Variants in LHFPL3 observed in about 807,000 individuals in gnomAD.
LHFPL3 encodes LHFPL tetraspan subfamily member 3, also known as LHFPL tetraspan subfamily member 3 protein.
A neutral mutation model predicts 19.3 loss-of-function variants in LHFPL3; 5 were observed. The observed-to-expected ratio is 0.26, with a 90% CI of 0.14 to 0.54. The LOEUF (loss-of-function observed/expected upper bound fraction) is 0.54, where lower values mean the gene tolerates loss of function less well. Among genes scored for constraint, LHFPL3 ranks in the 20% least tolerant of loss-of-function variants. The probability of loss-of-function intolerance (pLI) is 0.94; values close to 1 mark genes in which losing one functional copy is unlikely to be tolerated. For synonymous variants in LHFPL3, 133 were observed against 126.2 expected (o/e 1.05, Z -0.36); for missense variants, 249 against 307.4 (o/e 0.81, Z 1.42).
At chr7:104,761,697 A>G (rs1431639681) in intron 2 of LHFPL3, among the ~76,000 whole-genome samples, 3 of 152,258 alleles carry the variant, frequency 2.0e-5, no homozygotes. Flanking sequence ...AGAAGCAAGT[A>G]GAACAGTCGT....
chr7:104,670,248 G>A (rs1792450612), intron 1 of LHFPL3, among the ~76,000 whole-genome samples: 1 of 152,116 alleles, frequency 6.6e-6, no homozygotes, highest in Middle Eastern at 3.4e-3. Context: ...GGTTTGAAAG[G>A]AAGCTTTTGG....
At chr7:104,555,079 G>C (rs1290636901) in intron 1 of LHFPL3, among the ~76,000 whole-genome samples, 2 of 152,130 alleles carry the variant, frequency 1.3e-5, no homozygotes, top group Non-Finnish European at 2.9e-5. Context: ...TGCCTACTCA[G>C]TCCACCAACT....
intron 2 of LHFPL3, among the ~76,000 whole-genome samples, chr7:104,844,258 T>G (rs553557304): frequency 6.6e-6 from 1 of 152,320 alleles, no homozygotes; most frequent in African/African-American, 2.4e-5. Context: ...CTTTCAGCAG[T>G]TCTCTGTGAG....
At chr7:104,605,784 T>C (rs1791084890) in intron 1 of LHFPL3, among the ~76,000 whole-genome samples, 1 of 151,712 alleles carries the variant, frequency 6.6e-6, no homozygotes, top group South Asian at 2.1e-4. Context: ...TTGATGCAAC[T>C]GCAGGAAAAA....
At chr7:104,703,625 A>T (rs1270631825) in intron 1 of LHFPL3, among the ~76,000 whole-genome samples, 1 of 152,100 alleles carries the variant, frequency 6.6e-6, no homozygotes, top group Non-Finnish European at 1.5e-5. Flanking sequence ...TCTTTATTTT[A>T]GTTATGATTC....
intron 1 of LHFPL3, among the ~76,000 whole-genome samples, chr7:104,519,541 G>A (rs1051964013): frequency 6.6e-6 from 1 of 152,052 alleles, no homozygotes; most frequent in Non-Finnish European, 1.5e-5. Context: ...GAGAAGAAGG[G>A]AAACTGGCAC....
intron 1 of LHFPL3, among the ~76,000 whole-genome samples, chr7:104,481,106 C>T (rs1793128001): frequency 6.6e-6 from 1 of 152,156 alleles, no homozygotes; most frequent in African/African-American, 2.4e-5. Flanking sequence ...CATTTCTACA[C>T]TTGTGCAAAG....
intron 1 of LHFPL3, among the ~76,000 whole-genome samples, chr7:104,587,309 C>G (rs1790600862): frequency 6.6e-6 from 1 of 152,098 alleles, no homozygotes; most frequent in African/African-American, 2.4e-5. Context: ...GTGATGTTCC[C>G]CACCCTGTGT....
At chr7:104,884,898 T>C (rs1792120938) in intron 2 of LHFPL3, among the ~76,000 whole-genome samples, 1 of 151,566 alleles carries the variant, frequency 6.6e-6, no homozygotes, top group Admixed American at 6.6e-5. Context: ...CACCAATTGG[T>C]GGAGAGAAGG....
At chr7:104,367,482 C>T (rs186810656) in intron 1 of LHFPL3, among the ~76,000 whole-genome samples, 103 of 152,272 alleles carry the variant, frequency 6.8e-4, no homozygotes, top group Middle Eastern at 3.4e-3. Context: ...CTAAGTTTAA[C>T]CATTACCTAG....
At chr7:104,521,901 G>A (rs1291570356) in intron 1 of LHFPL3, among the ~76,000 whole-genome samples, 2 of 152,068 alleles carry the variant, frequency 1.3e-5, no homozygotes, top group Non-Finnish European at 2.9e-5. Context: ...GTGCTGGAGA[G>A]GATGTGGAGA....
intron 1 of LHFPL3, among the ~76,000 whole-genome samples, chr7:104,657,739 T>A (rs1032165780): frequency 6.6e-6 from 1 of 152,170 alleles, no homozygotes; most frequent in Non-Finnish European, 1.5e-5. Flanking sequence ...CCATCTTCCA[T>A]CTCTGGAGCT....
At chr7:104,614,714 TCTTTC>T (rs1307182695) in intron 1 of LHFPL3, among the ~76,000 whole-genome samples, 1 of 145,680 alleles carries the variant, frequency 6.9e-6, no homozygotes, top group Non-Finnish European at 1.5e-5. Context: ...TTTCTTTCTT[TCTTTC>T]TTTCTTTCTT....
At chr7:104,823,422 T>C (rs1790716290) in intron 2 of LHFPL3, among the ~76,000 whole-genome samples, 1 of 152,212 alleles carries the variant, frequency 6.6e-6, no homozygotes, top group Admixed American at 6.5e-5. Context: ...CAGCATTGTA[T>C]GGTCTGAGCC....
At chr7:104,650,661 A>G (rs1217737287) in intron 1 of LHFPL3, among the ~76,000 whole-genome samples, 1 of 152,212 alleles carries the variant, frequency 6.6e-6, no homozygotes, top group Non-Finnish European at 1.5e-5. Flanking sequence ...TGAAGAAGTA[A>G]ACACTTTAAC....
intron 2 of LHFPL3, among the ~76,000 whole-genome samples, chr7:104,829,057 C>G (rs1790881432): frequency 1.3e-5 from 2 of 151,614 alleles, no homozygotes; most frequent in Non-Finnish European, 2.9e-5. Flanking sequence ...CCAAAACATA[C>G]TGACTCCCAA....
intron 1 of LHFPL3, among the ~76,000 whole-genome samples, chr7:104,350,701 G>A (rs566841278): frequency 6.6e-6 from 1 of 152,166 alleles, no homozygotes; most frequent in Non-Finnish European, 1.5e-5. Context: ...TCTATCAGGT[G>A]ATCATAAATA....
rs529586964 is a variant in LHFPL3, at chr7:104,679,180, T to A, written c.446-57495T>A. Among the ~76,000 whole-genome samples, 8 of 152,322 alleles carry A rather than the reference T, an allele frequency of 5.3e-5. No homozygotes were observed. In the South Asian group the frequency reaches 1.7e-3, roughly 32 times the overall value. On this transcript the variant is annotated intron_variant, in intron 1 of 2. Transcript: ENST00000424859. The stretch of plus-strand genomic sequence containing the variant: ...GTCATCTGAGCCTGTAAGTGGAGAA[T>A]CCACTTCCAATATGGCTGTCGGCAA...
chr7:104,380,764 T>G lies in LHFPL3; in HGVS notation c.445+51540T>G, dbSNP rs544930543. Among the ~76,000 whole-genome samples, 15 of 152,274 alleles carry G rather than the reference T, an allele frequency of 9.9e-5. No individual in the cohort carries two copies. In the South Asian group the frequency reaches 2.7e-3, roughly 27 times the overall value. ...AAAATCAGAAAGACATTCTCAAATTTGGAAGGACTTAAAAATATGTCATTT... is the reference window on the plus strand; with the variant it reads ...AAAATCAGAAAGACATTCTCAAATTGGGAAGGACTTAAAAATATGTCATTT... On this transcript the variant is annotated intron_variant, in intron 1 of 2. Transcript: ENST00000424859.
Sources: gnomAD v4.1 joint callset for allele counts (sites outside exome capture counted in the v4.1 genomes callset) on GRCh38, gnomAD v4.1.1 for gene constraint, MANE v1.5 for transcripts, NCBI Gene and HGNC (gene_info 2026-07-23, HGNC 2026-07-21) for gene names.